The following STK3 variants were observed in gnomAD, a reference collection of about 807,000 sequenced individuals.
The protein encoded by STK3 is serine/threonine kinase 3, also known as serine/threonine-protein kinase 3.
Under a neutral mutation model 58.0 loss-of-function variants are expected in STK3, and 41 were observed. The ratio of observed to expected loss-of-function variants is 0.71; its 90% CI spans 0.55 to 0.92. The LOEUF is 0.92. Ranked by LOEUF, STK3 falls within the 40% of genes least tolerant of loss-of-function variation. The probability of loss-of-function intolerance (pLI) is 0.00; values close to 1 mark genes in which losing one functional copy is unlikely to be tolerated. For missense variants in STK3, 479 were observed against 602.7 expected (o/e 0.79, Z 2.15); for synonymous variants, 170 against 191.0 (o/e 0.89, Z 0.91).
chr8:98,676,362 C>T (rs977419079), intron 6 of STK3, among the ~76,000 whole-genome samples: 1 of 152,086 alleles, frequency 6.6e-6, no homozygotes, highest in Admixed American at 6.5e-5. Flanking sequence ...CGGTGGCTCA[C>T]GCCTGTAGTC....
chr8:98,743,666 T>C (rs867915956), intron 4 of STK3, among the ~76,000 whole-genome samples: 4 of 152,138 alleles, frequency 2.6e-5, no homozygotes, highest in Admixed American at 6.5e-5. Flanking sequence ...ATTCAGGACA[T>C]AGGCATGGGC....
intron 3 of STK3, among the ~76,000 whole-genome samples, chr8:98,869,839 T>C (rs1246767071): frequency 6.6e-6 from 1 of 151,870 alleles, no homozygotes; most frequent in Non-Finnish European, 1.5e-5. Flanking sequence ...ATATATTTTT[T>C]CTTTTTTTTA....
chr8:98,407,757 T>C (rs4236851), intron 3 of STK3, among the ~76,000 whole-genome samples: 93,760 of 131,688 alleles, frequency 0.71, 33,417 homozygotes, highest in Admixed American at 0.83. Flanking sequence ...TGTGTGTGTG[T>C]GCGCGCGCGC....
At chr8:98,694,170 G>T (rs1334031534) in intron 6 of STK3, among the ~76,000 whole-genome samples, 1 of 152,110 alleles carries the variant, frequency 6.6e-6, no homozygotes, top group African/African-American at 2.4e-5. Flanking sequence ...AAGGGAGGTG[G>T]AAGCCAGTTG....
intron 3 of STK3, among the ~76,000 whole-genome samples, chr8:98,761,683 A>G (rs1830627199): frequency 1.3e-5 from 2 of 152,342 alleles, no homozygotes; most frequent in South Asian, 4.1e-4. Flanking sequence ...TGTTTCCAGC[A>G]TAAATCTCAA....
intron 10 of STK3, among the ~76,000 whole-genome samples, chr8:98,470,035 G>C (rs1351086236): frequency 1.3e-5 from 2 of 152,210 alleles, no homozygotes. Flanking sequence ...TGAGCTGCTA[G>C]TACCTGGTAC....
chr8:98,911,660 C>T (rs1324339589), intron 1 of STK3, among the ~76,000 whole-genome samples: 1 of 152,118 alleles, frequency 6.6e-6, no homozygotes, highest in East Asian at 1.9e-4. Flanking sequence ...TCCCAAAGTG[C>T]TGGGATTAGC....
intron 6 of STK3, chr8:98,598,513 TA>T: frequency 1.0e-6 from 1 of 985,418 alleles, no homozygotes; most frequent in African/African-American, 1.7e-5. Flanking sequence ...AGCTCATCAA[TA>T]ATAGATTTTC....
chr8:98,784,551 G>A (rs1334497128), intron 1 of STK3, among the ~76,000 whole-genome samples: 1 of 152,080 alleles, frequency 6.6e-6, no homozygotes, highest in Non-Finnish European at 1.5e-5. Flanking sequence ...CTGTTTGCCT[G>A]GACAAGCAGG....
At position 98,533,169 on chromosome 8, in the gene STK3, C is replaced by G. The variant is rs184283046; in HGVS notation, c.1142-6252G>C. On this transcript the variant is annotated intron_variant, in intron 9 of 10. Transcript: ENST00000419617. Reference sequence around the variant, plus strand: ...CTCCTATGAATATTGTTGAATAATGCTCCTATGAACATGAGTATAGAAATA... The same window carrying G: ...CTCCTATGAATATTGTTGAATAATGGTCCTATGAACATGAGTATAGAAATA... Among the ~76,000 whole-genome samples, 46 of 152,232 alleles carry G rather than the reference C, an allele frequency of 3.0e-4. No individual in the cohort carries two copies. The East Asian group carries it at 6.2e-3, about 20-fold the overall frequency.
intron 1 of STK3, among the ~76,000 whole-genome samples, chr8:98,448,699 C>T (rs1819061746): frequency 6.6e-6 from 1 of 152,214 alleles, no homozygotes; most frequent in South Asian, 2.1e-4. Flanking sequence ...GGATTTTCTA[C>T]CAGAAAAATT....
intron 10 of STK3, among the ~76,000 whole-genome samples, chr8:98,518,482 C>A (rs1825109434): frequency 1.3e-5 from 2 of 152,152 alleles, no homozygotes; most frequent in African/African-American, 2.4e-5. Context: ...TTCAGAGACA[C>A]TAAAATCTTT....
chr8:98,702,460 T>C (rs1825696852), intron 6 of STK3, among the ~76,000 whole-genome samples: 3 of 152,178 alleles, frequency 2.0e-5, no homozygotes, highest in African/African-American at 7.2e-5. Flanking sequence ...CCTTAATCAG[T>C]GAAAAACAGT....
intron 4 of STK3, among the ~76,000 whole-genome samples, chr8:98,715,194 G>A (rs1447170645): frequency 1.3e-5 from 2 of 152,130 alleles, no homozygotes; most frequent in Non-Finnish European, 2.9e-5. Flanking sequence ...AGAAAACCTA[G>A]GCAATACCAT....
At chr8:98,356,336 T>C in the STK3 span, among the ~76,000 whole-genome samples, 1 of 152,216 alleles carries the variant, frequency 6.6e-6, no homozygotes, top group Non-Finnish European at 1.5e-5. Context: ...AGGGGTGTGC[T>C]GGACACATGG....
At chr8:98,936,843 T>C (rs1840216712) in intron 1 of STK3, among the ~76,000 whole-genome samples, 1 of 152,168 alleles carries the variant, frequency 6.6e-6, no homozygotes, top group African/African-American at 2.4e-5. Context: ...CCACCCAGTT[T>C]GATTCCTGGA....
At chr8:98,858,323 T>TAGAGAG (rs1554691273) in intron 3 of STK3, among the ~76,000 whole-genome samples, 650 of 16,250 alleles carry the variant, frequency 0.04, 63 homozygotes, top group South Asian at 0.076. Flanking sequence ...TATATATATA[T>TAGAGAG]AGAGAGAGAG....
intron 6 of STK3, among the ~76,000 whole-genome samples, chr8:98,640,054 T>C (rs1184827637): frequency 1.3e-5 from 2 of 152,100 alleles, no homozygotes; most frequent in African/African-American, 4.8e-5. Flanking sequence ...TTCTATTCTA[T>C]TCTATTCTAC....
At position 98,477,482 on chromosome 8, in the gene STK3, C is replaced by T. The variant is rs905084379; in HGVS notation, c.1318-21482G>A. On this transcript the variant is annotated intron_variant, in intron 10 of 10. Transcript: ENST00000419617. ...GCAGCCATGGTGCACCCTCAATGTC[C>T]GTGTTTGAGAATTAAGGGTTCCTGA... 3.2e-4 allele frequency among the ~76,000 whole-genome samples: 49 copies of T among 151,678 alleles called. 1 individual carries two copies. The highest frequency in any genetic ancestry group is 1.1e-3 in the African/African-American group (46 of 41,260).
Sources: allele counts gnomAD v4.1 joint callset (sites outside exome capture counted in the v4.1 genomes callset), GRCh38; gene constraint gnomAD v4.1.1; transcripts MANE v1.5; gene names NCBI Gene and HGNC (gene_info 2026-07-23, HGNC 2026-07-21).